Variants in ATP13A4 observed in about 807,000 individuals in gnomAD.
The protein encoded by ATP13A4 is ATPase 13A4, also known as probable cation-transporting ATPase 13A4.
In ATP13A4, 114 loss-of-function variants were observed where a neutral mutation model predicts 142.5. The observed-to-expected ratio is 0.80, with a 90% confidence interval of 0.69 to 0.93. The LOEUF (loss-of-function observed/expected upper bound fraction) is 0.93. Ranked by LOEUF, ATP13A4 falls within the 40% of genes least tolerant of loss-of-function variation. The pLI is 0.00. For synonymous variants in ATP13A4, 488 were observed against 514.8 expected, an observed-to-expected ratio of 0.95 and a Z score of 0.70; for missense variants, 1,392 against 1,454.0, an observed-to-expected ratio of 0.96 and a Z score of 0.69.
chr3:193,427,535 T>C (rs1000485565), intron 25 of ATP13A4, among the ~76,000 whole-genome samples: 1 of 152,176 alleles, frequency 6.6e-6, no homozygotes, highest in Non-Finnish European at 1.5e-5. Context: ...GGCATCACAC[T>C]ATCTGACTTC....
intron 2 of ATP13A4, among the ~76,000 whole-genome samples, chr3:193,563,712 G>A (rs545102560): frequency 3.3e-5 from 5 of 152,166 alleles, no homozygotes; most frequent in African/African-American, 9.6e-5. Context: ...CTAAAATGTT[G>A]TTTTCTTATT....
At chr3:193,523,480 C>T (rs1394322218) in intron 1 of ATP13A4, among the ~76,000 whole-genome samples, 2 of 152,264 alleles carry the variant, frequency 1.3e-5, no homozygotes, top group East Asian at 1.9e-4. Flanking sequence ...GACTGAGTTC[C>T]ACCACCAATG....
Position 193,401,523 on chromosome 3 carries a change from T to G in ATP13A4, c.*1129A>C, listed in dbSNP as rs935642890. ...AATTTCTGGAGTTGGCCATGTGACATGAGAGATTCCTAAAACATAGGATAA... is the reference window on the plus strand; with the variant it reads ...AATTTCTGGAGTTGGCCATGTGACAGGAGAGATTCCTAAAACATAGGATAA... On this transcript the variant is annotated 3_prime_UTR_variant, in exon 30 of 30. Coordinates refer to ENST00000342695, the MANE Select transcript of ATP13A4 (RefSeq NM_032279.4). 6.6e-6 allele frequency among the ~76,000 whole-genome samples: 1 copy of G among 152,094 alleles called. No individual in the cohort carries two copies. The highest frequency in any genetic ancestry group is 2.1e-4 in the South Asian group (1 of 4,828).
At chr3:193,543,300 T>C (rs9835346) in intron 1 of ATP13A4, among the ~76,000 whole-genome samples, 60,827 of 151,998 alleles carry the variant, frequency 0.4, 12,434 homozygotes, top group South Asian at 0.57. Flanking sequence ...CTAATTAAGC[T>C]AAAGAGCTTC....
chr3:193,521,730 C>T (rs1200006294), intron 1 of ATP13A4, among the ~76,000 whole-genome samples: 3 of 151,954 alleles, frequency 2.0e-5, no homozygotes, highest in African/African-American at 7.3e-5. Context: ...GTCAGGAGAT[C>T]GAGACCAGCC....
In ATP13A4 at chr3:193,440,656, G is replaced by A. The variant is rs1716574879; in HGVS notation, c.2440-19C>T. ...TCAATATCTGTAAGGAACCCAAAAT[G>A]GAGATTTTTTTATCAAGTCATCTGG... is the stretch of plus-strand genomic sequence containing the variant. On this transcript the variant is annotated intron_variant, in intron 20 of 29. Coordinates refer to ENST00000342695, the MANE Select transcript of ATP13A4 (RefSeq NM_032279.4). 3 of 1,612,748 alleles carry A rather than the reference G, an allele frequency of 1.9e-6. No homozygotes were observed. Among genetic ancestry groups the A allele is most frequent in the South Asian group, 1.1e-5 (1 of 91,042 alleles).
chr3:193,509,007 A>G (rs1720999375), intron 2 of ATP13A4, among the ~76,000 whole-genome samples: 1 of 150,882 alleles, frequency 6.6e-6, no homozygotes, highest in Non-Finnish European at 1.5e-5. Context: ...AAAAAAGCTG[A>G]GAAGTTCCAG....
rs3053200 is a variant in ATP13A4, at chr3:193,545,973, TTGTGTGTGTGTGTGTGTGTGTGTGTGTG to T, written c.60+8739_60+8766del. On this transcript the variant is annotated intron_variant, in intron 1 of 29. Transcript: ENST00000342695. ...TTTATCTGTTTTCAAAATGTTTAAA[TTGTGTGTGTGTGTGTGTGTGTGTGTGTG>T]TGTGTGTGTGTGTGTGTGTGTGTTT... 1.1e-4 allele frequency among the ~76,000 whole-genome samples: 16 copies of T among 143,448 alleles called. No individual in the cohort carries two copies. In the East Asian group the frequency reaches 1.4e-3, roughly 13 times the overall value. 94.1% of individuals were successfully genotyped at this position (143,448 alleles called of 152,430 possible). A position where few individuals can be genotyped will look rare whatever the true frequency, so the allele number is the denominator to read the frequency against.
In ATP13A4 at chr3:193,538,507, A is replaced by C. The variant is rs200819843; in HGVS notation, c.60+16233T>G. 4.3e-4 allele frequency among the ~76,000 whole-genome samples: 65 copies of C among 151,520 alleles called. 1 individual carries two copies. In the East Asian group the frequency reaches 9.5e-3, roughly 22 times the overall value. On this transcript the variant is annotated intron_variant, in intron 1 of 29. Coordinates refer to ENST00000342695, the MANE Select transcript of ATP13A4 (RefSeq NM_032279.4). Reference sequence around the variant, plus strand: ...TGGAAGAATCCACATTAAAAAAAAAAAAAAAAACCCTAGGCTTTAAACAGG... The same window carrying C: ...TGGAAGAATCCACATTAAAAAAAAACAAAAAAACCCTAGGCTTTAAACAGG...
intron 1 of ATP13A4, among the ~76,000 whole-genome samples, chr3:193,541,178 G>A (rs890947243): frequency 6.7e-6 from 1 of 149,434 alleles, no homozygotes; most frequent in Non-Finnish European, 1.5e-5. Flanking sequence ...GAACCCGGGA[G>A]GCGGAGCTTG....
rs560236159 is a variant in ATP13A4, at chr3:193,417,714, G to A, written c.2843-2964C>T. Among the ~76,000 whole-genome samples the A allele has an allele frequency of 1.8e-4, 24 of 137,114 alleles. 1 individual carries two copies. The highest frequency in any genetic ancestry group is 6.3e-4 in the African/African-American group (23 of 36,790). 90.0% of individuals were successfully genotyped at this position (137,114 alleles called of 152,430 possible). A position where few individuals can be genotyped will look rare whatever the true frequency, so the allele number is the denominator to read the frequency against. ...GACAAAAAAGAAATTGGCCAGGCGC[G>A]GTGGCTCATGCCTGTAATCCCAGCA... On this transcript the variant is annotated intron_variant, in intron 25 of 29. Coordinates refer to ENST00000342695, the MANE Select transcript of ATP13A4 (RefSeq NM_032279.4).
At chr3:193,591,472 A>G (rs986203486) in intron 1 of ATP13A4, among the ~76,000 whole-genome samples, 1 of 152,248 alleles carries the variant, frequency 6.6e-6, no homozygotes, top group Non-Finnish European at 1.5e-5. Flanking sequence ...AACACTATGT[A>G]TCTATGGGAG....
At chr3:193,495,004 G>T (rs955063640) in intron 3 of ATP13A4, among the ~76,000 whole-genome samples, 1 of 151,996 alleles carries the variant, frequency 6.6e-6, no homozygotes, top group Non-Finnish European at 1.5e-5. Context: ...AAATCTAGAA[G>T]AAATGGAAAA....
intron 17 of ATP13A4, among the ~76,000 whole-genome samples, chr3:193,453,213 T>A (rs1717386021): frequency 6.6e-6 from 1 of 152,234 alleles, no homozygotes; most frequent in African/African-American, 2.4e-5. Flanking sequence ...ATATAATGGG[T>A]TATTATATAT....
intron 1 of ATP13A4, among the ~76,000 whole-genome samples, chr3:193,549,888 AT>A (rs929159014): frequency 6.6e-6 from 1 of 152,230 alleles, no homozygotes; most frequent in African/African-American, 2.4e-5. Context: ...TAAGAATAGA[AT>A]TTTTAAATCA....
chr3:193,573,159 G>A, intron 2 of ATP13A4, among the ~76,000 whole-genome samples: 1 of 149,542 alleles, frequency 6.7e-6, no homozygotes, highest in African/African-American at 2.5e-5. Flanking sequence ...ATAATGTTTA[G>A]CAAAACTCTA....
At position 193,573,326 on chromosome 3, in the gene ATP13A4, T is replaced by A. The variant is rs192573607; in HGVS notation, n.291+8381A>T. 6.5e-3 allele frequency among the ~76,000 whole-genome samples: 508 copies of A among 78,054 alleles called. 10 individuals are homozygous for A. The highest frequency in any genetic ancestry group is 6.8e-3 in the Admixed American group (53 of 7,804). 51.2% of individuals were successfully genotyped at this position (78,054 alleles called of 152,430 possible). A position where few individuals can be genotyped will look rare whatever the true frequency, so the allele number is the denominator to read the frequency against. On this transcript the variant is annotated intron_variant and non_coding_transcript_variant, in intron 2 of 3. Coordinates refer to the ATP13A4 transcript ENST00000489140. ...ATATATACATATATATATATATATA[T>A]AATTTGTATCTACTATGCTAGCAGC...
intron 18 of ATP13A4, among the ~76,000 whole-genome samples, chr3:193,447,896 C>T (rs1296120267): frequency 6.6e-6 from 1 of 152,176 alleles, no homozygotes; most frequent in Non-Finnish European, 1.5e-5. Context: ...GATCTTATTT[C>T]AAATGTCACA....
chr3:193,544,077 G>T (rs1463659931), intron 1 of ATP13A4, among the ~76,000 whole-genome samples: 1 of 152,124 alleles, frequency 6.6e-6, no homozygotes, highest in African/African-American at 2.4e-5. Flanking sequence ...TGAAGGAGGT[G>T]ACTAATGGCT....
Sources: allele counts gnomAD v4.1 joint callset (sites outside exome capture counted in the v4.1 genomes callset), GRCh38; gene constraint gnomAD v4.1.1; transcripts MANE v1.5; gene names NCBI Gene and HGNC (gene_info 2026-07-23, HGNC 2026-07-21).